Variants in SLAIN2 observed in about 807,000 individuals in gnomAD.
SLAIN2 encodes the protein SLAIN motif-containing protein 2.
In SLAIN2, 31 loss-of-function variants were observed where a neutral mutation model predicts 56.6. That is an observed-to-expected ratio of 0.55 (90% confidence interval 0.41 to 0.74). The LOEUF (loss-of-function observed/expected upper bound fraction) is 0.74, where lower values mean the gene tolerates loss of function less well. Among genes scored for constraint, SLAIN2 ranks in the 30% least tolerant of loss-of-function variants. The pLI is 0.00. For missense variants in SLAIN2, 777 were observed against 754.2 expected, an observed-to-expected ratio of 1.03 and a Z score of -0.35; for synonymous variants, 317 against 284.9, an observed-to-expected ratio of 1.11 and a Z score of -1.13.
At chr4:48,414,819 T>C (rs1716957551) in intron 6 of SLAIN2, among the ~76,000 whole-genome samples, 1 of 59,680 alleles carries the variant, frequency 1.7e-5, no homozygotes, top group Non-Finnish European at 3.3e-5. Context: ...TTTGGTTTTT[T>C]GTTCTTGCGA....
chr4:48,393,069 A>C (rs954279627), intron 6 of SLAIN2, among the ~76,000 whole-genome samples: 1 of 151,948 alleles, frequency 6.6e-6, no homozygotes, highest in South Asian at 2.1e-4. Context: ...ATTTTTGTGC[A>C]ATAGAAGTAA....
At position 48,363,395 on chromosome 4, in the gene SLAIN2, A is replaced by AC. The variant is rs575173695; in HGVS notation, c.390-6445dup. On this transcript the variant is annotated intron_variant, in intron 1 of 7. Transcript: ENST00000264313. ...GGCGGCTGGCCGGGCGGGGGGGCTGACCCCCCCCCACCTCCCTCCCGGACG... is the reference window on the plus strand; with the variant it reads ...GGCGGCTGGCCGGGCGGGGGGGCTGACCCCCCCCCCACCTCCCTCCCGGACG... Among the ~76,000 whole-genome samples the AC allele has an allele frequency of 5.7e-3, 225 of 39,640 alleles. 1 individual carries two copies. Among genetic ancestry groups the AC allele is most frequent in the South Asian group, 0.018 (11 of 600 alleles). The allele number at this position is 39,640 out of a possible 152,430, so 26.0% of individuals were successfully genotyped here. A position where few individuals can be genotyped will look rare whatever the true frequency, so the allele number is the denominator to read the frequency against.
At chr4:48,348,689 CAA>C (rs34880531) in intron 1 of SLAIN2, among the ~76,000 whole-genome samples, 21 of 98,478 alleles carry the variant, frequency 2.1e-4, no homozygotes, top group South Asian at 3.1e-4. Context: ...GACTCTGTCT[CAA>C]AAAAAAAAAA....
chr4:48,342,985 G>A (rs1353234859), intron 1 of SLAIN2, among the ~76,000 whole-genome samples: 1 of 152,106 alleles, frequency 6.6e-6, no homozygotes, highest in Non-Finnish European at 1.5e-5. Context: ...AATAGGACAT[G>A]GGAGGCTTTT....
intron 1 of SLAIN2, among the ~76,000 whole-genome samples, chr4:48,360,736 A>G (rs541513187): frequency 6.6e-6 from 1 of 152,336 alleles, no homozygotes; most frequent in African/African-American, 2.4e-5. Flanking sequence ...CTGAAAAGAA[A>G]CCCTGTGCTC....
chr4:48,391,089 C>G (rs1419861178), intron 6 of SLAIN2, among the ~76,000 whole-genome samples: 2 of 152,158 alleles, frequency 1.3e-5, no homozygotes, highest in Non-Finnish European at 2.9e-5. Context: ...CTCAAAATCG[C>G]ATATAATGAC....
intron 1 of SLAIN2, among the ~76,000 whole-genome samples, chr4:48,348,208 A>G (rs1418025081): frequency 6.6e-6 from 1 of 152,214 alleles, no homozygotes; most frequent in Non-Finnish European, 1.5e-5. Flanking sequence ...TAGTAGAAGG[A>G]AGAATTTTTT....
chr4:48,412,405 CACACACACACA>C (rs1716885468), intron 6 of SLAIN2, among the ~76,000 whole-genome samples: 1 of 57,494 alleles, frequency 1.7e-5, no homozygotes. Flanking sequence ...CACACACACA[CACACACACACA>C]TTCCCTCTCT....
At chr4:48,391,164 T>C (rs1349802148) in intron 6 of SLAIN2, among the ~76,000 whole-genome samples, 2 of 152,222 alleles carry the variant, frequency 1.3e-5, no homozygotes. Flanking sequence ...GTTGTTTATT[T>C]CTAATATGCT....
chr4:48,371,731 C>T (rs964277385), intron 2 of SLAIN2, among the ~76,000 whole-genome samples: 6 of 151,860 alleles, frequency 4.0e-5, no homozygotes, highest in African/African-American at 1.5e-4. Context: ...CACTTGAGTC[C>T]AGGAGTTCAG....
At chr4:48,409,124 G>A (rs1005183060) in intron 6 of SLAIN2, among the ~76,000 whole-genome samples, 1 of 152,228 alleles carries the variant, frequency 6.6e-6, no homozygotes, top group African/African-American at 2.4e-5. Context: ...CAAGCAATGT[G>A]AAATAATAAC....
intron 7 of SLAIN2, among the ~76,000 whole-genome samples, chr4:48,421,278 A>G (rs2109792171): frequency 6.6e-6 from 1 of 152,252 alleles, no homozygotes; most frequent in South Asian, 2.1e-4. Context: ...GAATGCTGGG[A>G]TTACAGTTGC....
chr4:48,343,412 TAAATC>T (rs1400124341), intron 1 of SLAIN2, among the ~76,000 whole-genome samples: 4 of 152,240 alleles, frequency 2.6e-5, no homozygotes, highest in Non-Finnish European at 4.4e-5. Context: ...CCTAGTTACT[TAAATC>T]AAGAAACAGT....
intron 6 of SLAIN2, among the ~76,000 whole-genome samples, chr4:48,408,839 T>A (rs1429382248): frequency 6.6e-6 from 1 of 152,144 alleles, no homozygotes; most frequent in East Asian, 1.9e-4. Flanking sequence ...CACTTACCAC[T>A]CACTCAATTT....
chr4:48,341,867 C>T lies in SLAIN2; in HGVS notation c.128C>T (p.Ser43Phe). 1.3e-6 allele frequency: 2 copies of T among 1,519,774 alleles called. No homozygotes were observed. The highest frequency in any genetic ancestry group is 2.3e-4 in the Middle Eastern group (1 of 4,306). 94.1% of individuals were successfully genotyped at this position (1,519,774 alleles called of 1,614,324 possible). Residue 43 changes from serine to phenylalanine, a missense_variant, in exon 1 of 8, where the codon TCC becomes TTC. Physicochemically the swap from Ser to Phe is radical, Grantham distance 155. Transcript: ENST00000264313. ...TCGGGGGCCGTGCAGGGCGCCGGCTCCCTTGGGCCCGGCAGCCCGGTTCGG... is the reference window on the plus strand; with the variant it reads ...TCGGGGGCCGTGCAGGGCGCCGGCTTCCTTGGGCCCGGCAGCCCGGTTCGG... Reference protein sequence around the residue: ...SRSGAVQGAGSLGPGSPVRAG... With the variant: ...SRSGAVQGAGFLGPGSPVRAG...
intron 6 of SLAIN2, among the ~76,000 whole-genome samples, chr4:48,384,998 A>AT (rs1369382271): frequency 6.6e-6 from 1 of 152,214 alleles, no homozygotes. Context: ...ATAGAACTTC[A>AT]TTTTTAAAGA....
chr4:48,344,928 A>C (rs1714822929), intron 1 of SLAIN2, among the ~76,000 whole-genome samples: 1 of 152,188 alleles, frequency 6.6e-6, no homozygotes. Flanking sequence ...TCACTTGAAA[A>C]ACACTGTTTC....
intron 4 of SLAIN2, among the ~76,000 whole-genome samples, chr4:48,380,190 C>T (rs1374431556): frequency 2.0e-5 from 3 of 152,072 alleles, no homozygotes; most frequent in Non-Finnish European, 2.9e-5. Flanking sequence ...TGTAAACCAG[C>T]GTTTCTCAAT....
intron 2 of SLAIN2, among the ~76,000 whole-genome samples, chr4:48,372,323 CA>C (rs1442182569): frequency 6.6e-6 from 1 of 152,092 alleles, no homozygotes; most frequent in Non-Finnish European, 1.5e-5. Context: ...ACTTTTTCTG[CA>C]AAAAGCCAGA....
Sources: allele counts gnomAD v4.1 joint callset (sites outside exome capture counted in the v4.1 genomes callset), GRCh38; gene constraint gnomAD v4.1.1; transcripts MANE v1.5; gene names NCBI Gene and HGNC (gene_info 2026-07-23, HGNC 2026-07-21).